The following FNBP1 variants were observed in gnomAD, a reference collection of about 807,000 sequenced individuals.
FNBP1 encodes the protein formin binding protein 1.
FNBP1 carries 26 observed loss-of-function variants against 90.6 expected under a neutral mutation model. That is an observed-to-expected ratio of 0.29 (90% CI 0.21 to 0.40). The LOEUF is 0.40. FNBP1 is among the 10% of genes least tolerant of loss of function. FNBP1 has a pLI of 1.00. For missense variants in FNBP1, 635 were observed against 768.0 expected, an observed-to-expected ratio of 0.83 and a Z score of 2.05; for synonymous variants, 260 against 265.2, an observed-to-expected ratio of 0.98 and a Z score of 0.19.
intron 6 of FNBP1, among the ~76,000 whole-genome samples, chr9:129,937,624 G>A (rs1057280965): frequency 4.0e-5 from 6 of 151,874 alleles, no homozygotes; most frequent in Admixed American, 6.6e-5. Flanking sequence ...CCAGCTACTC[G>A]GGAGGCTGAG....
chr9:130,015,157 A>C (rs564916297), intron 1 of FNBP1, among the ~76,000 whole-genome samples: 5 of 152,258 alleles, frequency 3.3e-5, no homozygotes, highest in Non-Finnish European at 4.4e-5. Flanking sequence ...ACACCCATCC[A>C]TTCTTCCAAC....
rs961047196 is a variant in FNBP1, at chr9:129,890,386, A to C, written c.*153T>G. The C allele has an allele frequency of 1.4e-4, 85 of 617,012 alleles. No homozygotes were observed. In the African/African-American group the frequency reaches 1.5e-3, roughly 11 times the overall value. The allele number at this position is 617,012 out of a possible 1,614,324, so 38.2% of individuals were successfully genotyped here. A position where few individuals can be genotyped will look rare whatever the true frequency, so the allele number is the denominator to read the frequency against. ...GGGCTGGGCGGGAGGGCAGGGCCGC[A>C]GGGAGCATGCTGGAGAGAGAGAGAG... is the stretch of plus-strand genomic sequence containing the variant. On this transcript the variant is annotated 3_prime_UTR_variant, in exon 17 of 17. Coordinates refer to ENST00000446176, the MANE Select transcript of FNBP1 (RefSeq NM_015033.3). This position sits in a 1 kb window ranked among gnomAD's most constrained non-coding sequence, Gnocchi z 5.8.
chr9:129,915,235 C>T (rs1433457778), intron 11 of FNBP1, among the ~76,000 whole-genome samples: 1 of 152,100 alleles, frequency 6.6e-6, no homozygotes, highest in African/African-American at 2.4e-5. Context: ...ATCATTCCTG[C>T]ACAGCTCCTC....
intron 1 of FNBP1, among the ~76,000 whole-genome samples, chr9:130,036,712 C>A (rs1314595383): frequency 6.6e-6 from 1 of 152,178 alleles, no homozygotes; most frequent in Middle Eastern, 3.2e-3. Context: ...GTTGGTCTTG[C>A]CATGTTCATC....
intron 6 of FNBP1, among the ~76,000 whole-genome samples, chr9:129,930,908 G>C (rs558527614): frequency 2.2e-4 from 33 of 152,312 alleles, no homozygotes; most frequent in Non-Finnish European, 3.7e-4. Context: ...ACTGCAGTAA[G>C]CCAGAAACAC....
At chr9:130,036,740 A>C (rs1003429276) in intron 1 of FNBP1, among the ~76,000 whole-genome samples, 1 of 152,166 alleles carries the variant, frequency 6.6e-6, no homozygotes, top group African/African-American at 2.4e-5. Context: ...GAAATCTCTG[A>C]AGGGTTAAGA....
rs760390975 is a variant in FNBP1, at chr9:129,900,038, A to C, written c.1614T>G (p.Asp538Glu). The C allele has an allele frequency of 4.0e-5, 64 of 1,613,422 alleles. No homozygotes were observed. The highest frequency in any genetic ancestry group is 5.3e-5 in the Non-Finnish European group (63 of 1,179,710). ...QESEMKVLAT[D>E]FDDEFDDEEP... ...CCTCATCATCAAACTCGTCGTCAAAATCCGTGGCCAGCACCTTCATCTCAC... is the reference window on the plus strand; with the variant it reads ...CCTCATCATCAAACTCGTCGTCAAACTCCGTGGCCAGCACCTTCATCTCAC... Residue 538 changes from aspartate to glutamate, a missense_variant, in exon 15 of 17, where the codon GAT becomes GAG. Transcript: ENST00000446176. This position sits in a 1 kb window ranked among gnomAD's most constrained non-coding sequence, Gnocchi z 4.1.
chr9:130,013,683 G>A (rs1318000269), intron 1 of FNBP1: 3 of 455,844 alleles, frequency 6.6e-6, no homozygotes, highest in South Asian at 3.1e-5. Context: ...AAAAAATATT[G>A]GCAACAACCT....
At chr9:129,972,645 C>T (rs140598450) in intron 4 of FNBP1, among the ~76,000 whole-genome samples, 319 of 151,954 alleles carry the variant, frequency 2.1e-3, no homozygotes, top group African/African-American at 7.4e-3. Context: ...GATTCTCCTG[C>T]CTCAGCTTCC....
intron 2 of FNBP1, among the ~76,000 whole-genome samples, chr9:129,988,200 T>C (rs1263047309): frequency 6.6e-6 from 1 of 151,964 alleles, no homozygotes; most frequent in African/African-American, 2.4e-5. Flanking sequence ...CCATAGTTTC[T>C]GGAAAGGGAC....
At position 130,009,009 on chromosome 9, in the gene FNBP1, T is replaced by C. The variant is rs151025297; in HGVS notation, c.25-14051A>G. 2.2e-3 allele frequency among the ~76,000 whole-genome samples: 328 copies of C among 152,266 alleles called. 3 individuals are homozygous for C. The highest frequency in any genetic ancestry group is 7.5e-3 in the African/African-American group (312 of 41,544). ...GAAAGAAGTATACAAGCTAAATTAT[T>C]AATGAGAAGAAAAAGCCAGATTTTT... On this transcript the variant is annotated intron_variant, in intron 1 of 16. Coordinates refer to ENST00000446176, the MANE Select transcript of FNBP1 (RefSeq NM_015033.3).
intron 6 of FNBP1, among the ~76,000 whole-genome samples, chr9:129,953,483 A>G (rs1168050665): frequency 6.6e-6 from 1 of 152,006 alleles, no homozygotes; most frequent in Non-Finnish European, 1.5e-5. Flanking sequence ...GAATGAGACT[A>G]CGTCTCAGAA....
At position 129,925,000 on chromosome 9, in the gene FNBP1, T is replaced by A. The variant is rs199797411; in HGVS notation, c.947A>T (p.Lys316Ile). The change falls in exon 9 of 17, where the codon AAA (lysine) becomes ATA (isoleucine). Residue 316 changes from lysine to isoleucine, a missense_variant. Physicochemically the swap from Lys to Ile is moderately radical, Grantham distance 102. Transcript: ENST00000446176. ...EGKPDLKFGGKSKGKLWPFIK... is the reference protein window; with the variant it reads ...EGKPDLKFGGISKGKLWPFIK... The stretch of plus-strand genomic sequence containing the variant: ...GAACGGCCATAACTTTCCTTTGGAT[T>A]TGCCACCAAATTTGAGGTCTGGTTT... 2 of 1,613,894 alleles carry A rather than the reference T, an allele frequency of 1.2e-6. No individual in the cohort carries two copies. Among genetic ancestry groups the A allele is most frequent in the Non-Finnish European group, 1.7e-6 (2 of 1,179,858 alleles).
intron 6 of FNBP1, among the ~76,000 whole-genome samples, chr9:129,946,954 A>G (rs1161688045): frequency 1.3e-5 from 2 of 152,126 alleles, no homozygotes; most frequent in Non-Finnish European, 2.9e-5. Context: ...CCAATACCAC[A>G]CTAAACCCAT....
intron 2 of FNBP1, among the ~76,000 whole-genome samples, chr9:129,992,352 G>A (rs578027674): frequency 5.6e-4 from 86 of 152,234 alleles, no homozygotes; most frequent in Middle Eastern, 3.4e-3. Context: ...AGCCCCTGAC[G>A]TGTTGACGAG....
rs1031604482 is a variant in FNBP1 at position 129,887,594 on chromosome 9, C to A, written c.*2945G>T. On this transcript the variant is annotated 3_prime_UTR_variant, in exon 17 of 17. Transcript: ENST00000446176. ...AAAAGGCATCGAGACCTTTGCGCTG[C>A]GCTGGTTAGACAAGCCGCAGGCTTA... is the stretch of plus-strand genomic sequence containing the variant. The A allele has an allele frequency of 4.7e-6, 1 of 215,004 alleles. No individual in the cohort carries two copies. Among genetic ancestry groups the A allele is most frequent in the African/African-American group, 2.3e-5 (1 of 44,392 alleles). 13.3% of individuals were successfully genotyped at this position (215,004 alleles called of 1,614,324 possible).
At chr9:129,964,845 G>A (rs1290264392) in intron 4 of FNBP1, among the ~76,000 whole-genome samples, 3 of 129,864 alleles carry the variant, frequency 2.3e-5, no homozygotes, top group South Asian at 5.4e-4. Context: ...TGGCACTGAT[G>A]TGAGAACAGC....
Position 129,924,031 on chromosome 9 carries a change from A to T in FNBP1, c.988-5T>A. ...GGATGTTAAAAGGGACATAAGCTAC[A>T]TGTAAGAGATGGAGCCGTGACAGAG... On this transcript the variant is annotated splice_polypyrimidine_tract_variant and splice_region_variant and intron_variant, in intron 9 of 16. Coordinates refer to ENST00000446176, the MANE Select transcript of FNBP1 (RefSeq NM_015033.3). The T allele has an allele frequency of 6.6e-7, 1 of 1,505,752 alleles. No individual in the cohort carries two copies. The highest frequency in any genetic ancestry group is 8.8e-7 in the Non-Finnish European group (1 of 1,131,670). 93.3% of individuals were successfully genotyped at this position (1,505,752 alleles called of 1,614,324 possible).
chr9:129,912,596 G>A (rs2039504269), intron 11 of FNBP1, among the ~76,000 whole-genome samples: 2 of 147,408 alleles, frequency 1.4e-5, no homozygotes, highest in Admixed American at 1.4e-4. Context: ...GCTGAGGCAG[G>A]AAAATCGCTT....
Sources: allele counts gnomAD v4.1 joint callset (sites outside exome capture counted in the v4.1 genomes callset), GRCh38; gene constraint gnomAD v4.1.1; non-coding constraint Gnocchi (gnomAD v3.1); transcripts MANE v1.5; gene names NCBI Gene and HGNC (gene_info 2026-07-23, HGNC 2026-07-21).